Variants in CCDC88A observed in about 807,000 individuals in gnomAD.
CCDC88A encodes coiled-coil and HOOK domain protein 88A.
In CCDC88A, 54 loss-of-function variants were observed where a neutral mutation model predicts 234.3. The ratio of observed to expected loss-of-function variants is 0.23; its 90% CI spans 0.19 to 0.29. CCDC88A has a LOEUF of 0.29. CCDC88A is among the 10% of genes least tolerant of loss of function. The pLI is 1.00. For missense variants in CCDC88A, 1,832 were observed against 2,123.4 expected, an observed-to-expected ratio of 0.86 and a Z score of 2.70; for synonymous variants, 753 against 737.8, an observed-to-expected ratio of 1.02 and a Z score of -0.33.
rs1368165001 is a variant in CCDC88A at position 55,309,628 on chromosome 2, T to C, written c.4080-374A>G. On this transcript the variant is annotated intron_variant, in intron 23 of 32. Transcript: ENST00000436346. The surrounding 1 kb of genome is among the most constrained non-coding windows in gnomAD (Gnocchi z 5.1). ...GGTTTGATTTACTTGTAGAGAACCA[T>C]TTCCTGACTCCAGCAATGCATGAGT... Among the ~76,000 whole-genome samples the C allele has an allele frequency of 6.6e-6, 1 of 152,196 alleles. No homozygotes were observed. The highest frequency in any genetic ancestry group is 1.5e-5 in the Non-Finnish European group (1 of 68,016).
rs58743440 is a variant in CCDC88A, at chr2:55,416,425, CAAAT to C, written c.164+2387_164+2390del. Among the ~76,000 whole-genome samples, 35 of 44,654 alleles carry C rather than the reference CAAAT, an allele frequency of 7.8e-4. 1 individual carries two copies. Among genetic ancestry groups the C allele is most frequent in the East Asian group, 1.8e-3 (3 of 1,634 alleles). The allele number at this position is 44,654 out of a possible 152,430, so 29.3% of individuals were successfully genotyped here. ...TGGACTTCCAAAAGGGTGAAGAGGT[CAAAT>C]AAATAAATAAATAAATATATATATA... On this transcript the variant is annotated intron_variant, in intron 2 of 32. Transcript: ENST00000436346.
At position 55,411,632 on chromosome 2, in the gene CCDC88A, C is replaced by T. The variant is rs116443971; in HGVS notation, c.164+7184G>A. 3.0e-3 allele frequency among the ~76,000 whole-genome samples: 449 copies of T among 151,612 alleles called. 3 individuals carry two copies. Among genetic ancestry groups the T allele is most frequent in the African/African-American group, 9.1e-3 (377 of 41,346 alleles). ...CGTCTCTACTAAAAACACAAAACTT[C>T]ACCAGGCACGGTGGTGGGCACCTTG... On this transcript the variant is annotated intron_variant, in intron 2 of 32. Coordinates refer to ENST00000436346, the MANE Select transcript of CCDC88A (RefSeq NM_001365480.1).
At chr2:55,416,861 A>C (rs569592640) in intron 2 of CCDC88A, 1 of 152,158 alleles carries the variant, frequency 6.6e-6, no homozygotes, top group South Asian at 2.1e-4. Flanking sequence ...TATTAAGATA[A>C]ATTTGATCTT....
intron 27 of CCDC88A, chr2:55,301,584 T>C (rs1680906140): frequency 3.9e-6 from 2 of 516,344 alleles, no homozygotes; most frequent in Admixed American, 3.7e-5. Context: ...TTTTAGTTTT[T>C]AGAAAACTAG....
At chr2:55,371,401 C>T (rs1479530932) in intron 5 of CCDC88A, among the ~76,000 whole-genome samples, 1 of 152,044 alleles carries the variant, frequency 6.6e-6, no homozygotes, top group African/African-American at 2.4e-5. Context: ...AAAAAAATTA[C>T]TAGTAATCAT....
Position 55,288,821 on chromosome 2 carries a change from C to G in CCDC88A, c.*2379G>C, listed in dbSNP as rs1679240433. The stretch of plus-strand genomic sequence containing the variant: ...CCCGGTTAGGAAAATGAAAATGGCT[C>G]CGATTCGTTTCCAGTTGGCTTTATT... On this transcript the variant is annotated 3_prime_UTR_variant, in exon 33 of 33. Coordinates refer to ENST00000436346, the MANE Select transcript of CCDC88A (RefSeq NM_001365480.1). The G allele has an allele frequency of 6.6e-6, 1 of 152,074 alleles. No individual in the cohort carries two copies. Among genetic ancestry groups the G allele is most frequent in the South Asian group, 2.1e-4 (1 of 4,828 alleles). 9.4% of individuals were successfully genotyped at this position (152,074 alleles called of 1,614,324 possible).
intron 2 of CCDC88A, among the ~76,000 whole-genome samples, chr2:55,415,442 CAA>C (rs1406337551): frequency 6.6e-6 from 1 of 152,084 alleles, no homozygotes; most frequent in Non-Finnish European, 1.5e-5. Context: ...CATCAGGCAA[CAA>C]AAGACAGTGA....
chr2:55,310,719 A>C (rs1682243567), intron 23 of CCDC88A, among the ~76,000 whole-genome samples: 1 of 152,204 alleles, frequency 6.6e-6, no homozygotes, highest in Non-Finnish European at 1.5e-5. Context: ...TTGTGAACAG[A>C]TGTTGCCAAC....
intron 6 of CCDC88A, among the ~76,000 whole-genome samples, chr2:55,363,010 TAACA>T (rs1158187761): frequency 6.6e-6 from 1 of 151,978 alleles, no homozygotes; most frequent in Non-Finnish European, 1.5e-5. Flanking sequence ...TTAACTTTCA[TAACA>T]AACAGCAAAA....
chr2:55,290,085 G>T lies in CCDC88A; in HGVS notation c.*1115C>A, dbSNP rs1249618962. ...TAAAATTGGAACTACTAAAAAAATT[G>T]ATGTTTCCCTGGGTTAACTAAATCT... is the stretch of plus-strand genomic sequence containing the variant. On this transcript the variant is annotated 3_prime_UTR_variant, in exon 33 of 33. Transcript: ENST00000436346. 6.6e-6 allele frequency: 1 copy of T among 152,432 alleles called. No homozygotes were observed. The allele number at this position is 152,432 out of a possible 1,614,324, so 9.4% of individuals were successfully genotyped here.
At chr2:55,368,350 T>C (rs1455658615) in intron 5 of CCDC88A, among the ~76,000 whole-genome samples, 1 of 152,210 alleles carries the variant, frequency 6.6e-6, no homozygotes, top group Non-Finnish European at 1.5e-5. Flanking sequence ...TGGTTAACTT[T>C]ACTGTTTTTG....
intron 11 of CCDC88A, 109 bp from the exon 12 acceptor site, chr2:55,343,901 T>C: frequency 1.1e-6 from 1 of 918,450 alleles, no homozygotes; most frequent in Non-Finnish European, 1.6e-6. Flanking sequence ...CAGTAATAAT[T>C]ATGAGTTCTT....
At chr2:55,417,507 T>G (rs933962250) in intron 2 of CCDC88A, 7 of 152,054 alleles carry the variant, frequency 4.6e-5, no homozygotes, top group African/African-American at 1.7e-4. Context: ...AAAATACATT[T>G]ACTAACCCTG....
chr2:55,339,830 CTTTT>C (rs1337302446), intron 12 of CCDC88A, 182 bp from the exon 13 acceptor site: 1 of 494,194 alleles, frequency 2.0e-6, no homozygotes, highest in Non-Finnish European at 3.4e-6. Context: ...TTTTCCTTTT[CTTTT>C]TTTCTTTTTT....
chr2:55,367,928 T>A (rs1012491239), intron 5 of CCDC88A, among the ~76,000 whole-genome samples: 3 of 152,142 alleles, frequency 2.0e-5, no homozygotes, highest in African/African-American at 7.2e-5. Context: ...TATTTCTGGA[T>A]ACTAAGCAGC....
At chr2:55,293,707 T>C (rs995482024) in intron 31 of CCDC88A, 7 of 152,170 alleles carry the variant, frequency 4.6e-5, no homozygotes, top group African/African-American at 1.7e-4. Context: ...CCTTATCAGC[T>C]ATAGGCTAAA....
rs552971669 is a variant in CCDC88A, at chr2:55,308,626, G to A, written c.4387+183C>T. 9 of 579,172 alleles carry A rather than the reference G, an allele frequency of 1.6e-5. No individual in the cohort carries two copies. In the South Asian group the frequency reaches 1.7e-4, roughly 11 times the overall value. The allele number at this position is 579,172 out of a possible 1,614,324, so 35.9% of individuals were successfully genotyped here. On this transcript the variant is annotated intron_variant, in intron 25 of 32. Coordinates refer to ENST00000436346, the MANE Select transcript of CCDC88A (RefSeq NM_001365480.1). The stretch of plus-strand genomic sequence containing the variant: ...TCTGGCCAAATGATAGTATATCTGT[G>A]TATGATTTACCTCAGAAAATTGTGT...
chr2:55,406,228 T>C (rs570280777), intron 2 of CCDC88A: 58 of 151,608 alleles, frequency 3.8e-4, no homozygotes, highest in African/African-American at 1.4e-3. Context: ...GGTGGAAATA[T>C]AGTCTAATTC....
chr2:55,294,793 C>T (rs1345113981), intron 31 of CCDC88A: 1 of 1,006,734 alleles, frequency 9.9e-7, no homozygotes, highest in East Asian at 1.0e-4. Context: ...TATCAGGCAA[C>T]AAAAAATGTG....
Sources: allele counts gnomAD v4.1 joint callset (sites outside exome capture counted in the v4.1 genomes callset), GRCh38; gene constraint gnomAD v4.1.1; non-coding constraint Gnocchi (gnomAD v3.1); transcripts MANE v1.5; gene names NCBI Gene and HGNC (gene_info 2026-07-23, HGNC 2026-07-21).